The following SORBS2 variants were observed in gnomAD, a reference collection of about 807,000 sequenced individuals.
The protein encoded by SORBS2 is sorbin and SH3 domain-containing protein 2.
Under a neutral mutation model 97.7 loss-of-function variants are expected in SORBS2, and 46 were observed. The observed-to-expected ratio is 0.47, with a 90% CI of 0.37 to 0.60. SORBS2 has a LOEUF of 0.60. SORBS2 is among the 20% of genes least tolerant of loss of function. The probability of loss-of-function intolerance (pLI) is 0.00; values close to 1 mark genes in which losing one functional copy is unlikely to be tolerated. For missense variants in SORBS2, 1,316 were observed against 1,282.3 expected (o/e 1.03, Z -0.40); for synonymous variants, 476 against 473.4 (o/e 1.01, Z -0.07).
intron 1 of SORBS2, among the ~76,000 whole-genome samples, chr4:185,914,113 G>T (rs1235876980): frequency 6.6e-6 from 1 of 152,058 alleles, no homozygotes; most frequent in Non-Finnish European, 1.5e-5. Flanking sequence ...TCTATACCTG[G>T]GTTATTTTCA....
At position 185,857,162 on chromosome 4, in the gene SORBS2, G is replaced by A. The variant is rs184874290; in HGVS notation, c.-337-81796C>T. ...GGAAGTCAGGGACCCTGAATGGAGA[G>A]ACCTGCTGAACCCGCAGCAGAAGAA... On this transcript the variant is annotated intron_variant, in intron 1 of 20. Transcript: ENST00000284776. Among the ~76,000 whole-genome samples, 27 of 152,330 alleles carry A rather than the reference G, an allele frequency of 1.8e-4. No individual in the cohort carries two copies. The East Asian group carries it at 5.0e-3, about 28-fold the overall frequency.
chr4:185,915,551 C>T (rs931622818), intron 1 of SORBS2, among the ~76,000 whole-genome samples: 1 of 152,206 alleles, frequency 6.6e-6, no homozygotes, highest in Non-Finnish European at 1.5e-5. Flanking sequence ...CGTTTGACAT[C>T]TATTTTTCTG....
At chr4:185,667,717 T>TATAA (rs386402619) in intron 4 of SORBS2, among the ~76,000 whole-genome samples, 1 of 146,272 alleles carries the variant, frequency 6.8e-6, no homozygotes, top group East Asian at 2.0e-4. Flanking sequence ...CGTATATATA[T>TATAA]AATATATATT....
chr4:185,708,951 C>T (rs1485030612), intron 2 of SORBS2, among the ~76,000 whole-genome samples: 2 of 152,208 alleles, frequency 1.3e-5, no homozygotes, highest in Non-Finnish European at 1.5e-5. Context: ...TCTATTTCTA[C>T]GTGGGTATGA....
intron 2 of SORBS2, among the ~76,000 whole-genome samples, chr4:185,688,491 TTGATAGATAGATAA>T (rs1561923400): frequency 7.1e-6 from 1 of 141,242 alleles, no homozygotes; most frequent in Non-Finnish European, 1.5e-5. Flanking sequence ...TATCTGTCTA[TTGATAGATAGATAA>T]ATAGATAGAT....
chr4:185,656,598 A>G (rs1260469986), intron 1 of SORBS2: 2 of 1,531,718 alleles, frequency 1.3e-6, no homozygotes, highest in Admixed American at 3.9e-5. Context: ...CCCTCCCCGC[A>G]TGGCCCCCAA....
chr4:185,764,005 T>C (rs1204777852), intron 2 of SORBS2, among the ~76,000 whole-genome samples: 1 of 152,180 alleles, frequency 6.6e-6, no homozygotes, highest in Non-Finnish European at 1.5e-5. Context: ...GAAGTATAAA[T>C]ATTATTAAGG....
chr4:185,589,721 C>T, exon 14 of SORBS2: 1 of 1,613,234 alleles, frequency 6.2e-7, no homozygotes, highest in East Asian at 2.2e-5. Flanking sequence ...ACATCAATGA[C>T]ATCACTTTCT....
chr4:185,613,456 T>C (rs2096573974), intron 11 of SORBS2, among the ~76,000 whole-genome samples: 2 of 152,082 alleles, frequency 1.3e-5, no homozygotes, highest in Non-Finnish European at 2.9e-5. Context: ...GAGACCAGCC[T>C]GGCCAACATA....
chr4:185,736,606 A>G (rs991521884), intron 2 of SORBS2, among the ~76,000 whole-genome samples: 10 of 152,200 alleles, frequency 6.6e-5, no homozygotes, highest in African/African-American at 2.2e-4. Context: ...GCTTCGTTAC[A>G]GGCACAAGGT....
At chr4:185,811,181 C>T (rs1038680004) in intron 1 of SORBS2, 39 of 152,080 alleles carry the variant, frequency 2.6e-4, no homozygotes, top group African/African-American at 9.2e-4. Context: ...GCTATTATGA[C>T]CCACATAGAG....
chr4:185,933,361 C>G (rs1009193545), intron 1 of SORBS2: 1 of 152,140 alleles, frequency 6.6e-6, no homozygotes, highest in Non-Finnish European at 1.5e-5. Flanking sequence ...ATCTGTGGGT[C>G]TATTCGTCTG....
At chr4:185,658,909 T>C (rs1201477812), upstream of SORBS2, among the ~76,000 whole-genome samples, 1 of 152,066 alleles carries the variant, frequency 6.6e-6, no homozygotes, top group Non-Finnish European at 1.5e-5. Flanking sequence ...GGTTTCACCA[T>C]GCTAGCTAGG....
exon 1 of SORBS2, chr4:185,656,743 T>C (rs1042695182): frequency 6.5e-7 from 1 of 1,534,418 alleles, no homozygotes. Flanking sequence ...CCTCTGCTAC[T>C]GCTGCGTTTT....
Position 185,848,169 on chromosome 4 carries a change from G to A in SORBS2, c.-337-72803C>T, listed in dbSNP as rs947833019. On this transcript the variant is annotated intron_variant, in intron 1 of 20. Coordinates refer to the SORBS2 transcript ENST00000284776. ...GGAATGGAGGCAGAGAAGGGGATGC[G>A]CGGTGATGACTTTTTCATAAAGGCC... is the stretch of plus-strand genomic sequence containing the variant. Among the ~76,000 whole-genome samples, 4 of 152,112 alleles carry A rather than the reference G, an allele frequency of 2.6e-5. No homozygotes were observed. The East Asian group carries it at 5.8e-4, about 22-fold the overall frequency.
intron 1 of SORBS2, among the ~76,000 whole-genome samples, chr4:185,913,004 T>C (rs894305643): frequency 2.9e-5 from 2 of 68,806 alleles, no homozygotes; most frequent in Non-Finnish European, 5.3e-5. Context: ...ATTCAAAGAA[T>C]GACTCATGGA....
At chr4:185,709,837 T>A (rs2098401948) in intron 2 of SORBS2, 1 of 149,840 alleles carries the variant, frequency 6.7e-6, no homozygotes. Flanking sequence ...TACTGCCATT[T>A]AATTTAACTT....
intron 1 of SORBS2, among the ~76,000 whole-genome samples, chr4:185,777,454 A>C (rs2099005536): frequency 6.6e-6 from 1 of 152,172 alleles, no homozygotes; most frequent in Non-Finnish European, 1.5e-5. Flanking sequence ...GTTTATACCA[A>C]AAAAGGGTAT....
intron 1 of SORBS2, among the ~76,000 whole-genome samples, chr4:185,834,663 A>G (rs1444713729): frequency 6.6e-6 from 1 of 152,266 alleles, no homozygotes; most frequent in Non-Finnish European, 1.5e-5. Context: ...ATTTAAAATA[A>G]TTAATTCCTA....
Sources: gnomAD v4.1 joint callset for allele counts (sites outside exome capture counted in the v4.1 genomes callset) on GRCh38, gnomAD v4.1.1 for gene constraint, MANE v1.5 for transcripts, NCBI Gene and HGNC (gene_info 2026-07-23, HGNC 2026-07-21) for gene names.